Variants in KIF11 observed in about 807,000 individuals in gnomAD.
KIF11 encodes the protein kinesin family member 11, also known as kinesin-like protein KIF11.
A neutral mutation model predicts 121.0 loss-of-function variants in KIF11; 9 were observed. That is an observed-to-expected ratio of 0.07 (90% CI 0.04 to 0.13). KIF11 has a LOEUF of 0.13. Ranked by LOEUF, KIF11 falls within the 10% of genes least tolerant of loss-of-function variation. KIF11 has a pLI of 1.00. For missense variants in KIF11, 846 were observed against 1,217.5 expected (o/e 0.69, Z 4.54); for synonymous variants, 408 against 421.0 (o/e 0.97, Z 0.38).
chr10:92,629,029 G>A (rs1844706858), intron 11 of KIF11, 134 bp downstream of exon 11: 1 of 546,854 alleles, frequency 1.8e-6, no homozygotes, highest in Admixed American at 3.2e-5. Context: ...CACCCAGGCT[G>A]GAGTGCAATA....
chr10:92,608,667 G>A (rs1033754076), intron 4 of KIF11, among the ~76,000 whole-genome samples: 1 of 152,136 alleles, frequency 6.6e-6, no homozygotes, highest in Non-Finnish European at 1.5e-5. Flanking sequence ...TTGATCTCCT[G>A]ACCTTGTGAT....
intron 18 of KIF11, among the ~76,000 whole-genome samples, chr10:92,647,840 G>C (rs1460054038): frequency 3.3e-5 from 5 of 152,154 alleles, no homozygotes; most frequent in African/African-American, 1.2e-4. Context: ...CTGAAGGCCA[G>C]GTGTGGTGGC....
At chr10:92,637,158 A>T in intron 14 of KIF11, 26 bp from the exon 15 acceptor site, 9 of 1,540,086 alleles carry the variant, frequency 5.8e-6, no homozygotes, top group Non-Finnish European at 7.9e-6. Context: ...CTTTTTAAAG[A>T]CCTATTTGTT....
chr10:92,593,414 G>C lies in KIF11; in HGVS notation c.39G>C (p.Glu13Asp), dbSNP rs1844253914. 1.2e-6 allele frequency: 2 copies of C among 1,611,354 alleles called. No homozygotes were observed. Among genetic ancestry groups the C allele is most frequent in the African/African-American group, 2.7e-5 (2 of 74,920 alleles). The change falls in exon 1 of 22, where the codon GAG becomes GAC. Residue 13 changes from glutamate to aspartate, a missense_variant. Around this residue, in one of 5 missense-constraint regions of KIF11, gnomAD observed 140 missense variants for 193.5 expected, o/e 0.72. Transcript: ENST00000260731. ...CAAATTCGTCTGCGAAGAAGAAAGAGGAGAAGGGGAAGAACATCCAGGTGG... is the reference window on the plus strand; with the variant it reads ...CAAATTCGTCTGCGAAGAAGAAAGACGAGAAGGGGAAGAACATCCAGGTGG... ...SQPNSSAKKK[E>D]EKGKNIQVVV...
At chr10:92,620,558 C>T (rs1184425264) in intron 9 of KIF11, among the ~76,000 whole-genome samples, 1 of 152,180 alleles carries the variant, frequency 6.6e-6, no homozygotes, top group Admixed American at 6.5e-5. Context: ...CAGATTGGCT[C>T]ATCTTAGGCC....
At chr10:92,653,601 G>T (rs911445614) in intron 21 of KIF11, 64 bp from the exon 22 acceptor site, 8 of 1,438,266 alleles carry the variant, frequency 5.6e-6, no homozygotes, top group Non-Finnish European at 6.7e-6. Context: ...TGAAAATAGA[G>T]TGTAGTTAAT....
At chr10:92,643,770 C>T (rs757497346) in intron 17 of KIF11, among the ~76,000 whole-genome samples, 13 of 151,966 alleles carry the variant, frequency 8.6e-5, no homozygotes, top group Non-Finnish European at 1.8e-4. Context: ...ATTGGCCAGG[C>T]TAGTCTCAAA....
intron 6 of KIF11, among the ~76,000 whole-genome samples, chr10:92,612,819 C>T (rs571402836): frequency 2.0e-5 from 3 of 152,186 alleles, no homozygotes; most frequent in Non-Finnish European, 4.4e-5. Context: ...TAGAGAGCTT[C>T]TTATTGATGC....
Position 92,649,869 on chromosome 10 carries a change from A to G in KIF11, c.2805A>G (p.Pro935=), listed in dbSNP as rs774863991. Residue 935 remains proline (P), a synonymous_variant, in exon 20 of 22, where the codon CCA becomes CCG. Transcript: ENST00000260731. ...CACAGAGGAAAAGTTATTTATACCCATCAACACTGGTAAGAACTGAACCAC... is the reference window on the plus strand; with the variant it reads ...CACAGAGGAAAAGTTATTTATACCCGTCAACACTGGTAAGAACTGAACCAC... ...TTPQRKSYLY[P]STLVRTEPRE... is the part of the protein sequence containing the mutation. The G allele has an allele frequency of 9.9e-6, 16 of 1,612,644 alleles. No individual in the cohort carries two copies. In the Middle Eastern group the frequency reaches 4.9e-4, roughly 50 times the overall value.
At position 92,633,714 on chromosome 10, in the gene KIF11, T is replaced by C; in HGVS notation, c.1794T>C (p.Thr598=). 1.3e-6 allele frequency: 2 copies of C among 1,594,552 alleles called. No individual in the cohort carries two copies. The highest frequency in any genetic ancestry group is 1.1e-5 in the South Asian group (1 of 90,466). ...SLTSIPENVS[T]HVSQIFNMIL... is the part of the protein sequence containing the mutation. ...CATCTATTCCAGAAAATGTGTCTAC[T>C]CATGTTTCTCAGATTTTTAATATGA... is the stretch of plus-strand genomic sequence containing the variant. The change falls in exon 14 of 22, where the codon ACT becomes ACC. Residue 598 remains threonine (T), a synonymous_variant. Coordinates refer to ENST00000260731, the MANE Select transcript of KIF11 (RefSeq NM_004523.4).
intron 21 of KIF11, among the ~76,000 whole-genome samples, chr10:92,651,788 G>T (rs1439486986): frequency 6.6e-6 from 1 of 151,872 alleles, no homozygotes; most frequent in East Asian, 1.9e-4. Context: ...TAAGTAGGAG[G>T]ATTCCAATGA....
At chr10:92,638,503 G>C (rs955174774) in intron 16 of KIF11, among the ~76,000 whole-genome samples, 1 of 152,086 alleles carries the variant, frequency 6.6e-6, no homozygotes, top group Non-Finnish European at 1.5e-5. Flanking sequence ...TTCTAAGGCT[G>C]ATCCCCTTTT....
At chr10:92,630,438 T>A in intron 12 of KIF11, 74 bp downstream of exon 12, 1 of 812,238 alleles carries the variant, frequency 1.2e-6, no homozygotes, top group Non-Finnish European at 1.8e-6. Context: ...GCTTAAGCAT[T>A]AAATATTCTG....
intron 9 of KIF11, among the ~76,000 whole-genome samples, chr10:92,617,868 T>C (rs2135907752): frequency 6.6e-6 from 1 of 152,148 alleles, no homozygotes; most frequent in South Asian, 2.1e-4. Flanking sequence ...GTCTCCCGAG[T>C]AGCTGGGACT....
intron 8 of KIF11, among the ~76,000 whole-genome samples, chr10:92,614,021 T>TATACACACACAC (rs1284311727): frequency 4.1e-3 from 517 of 126,980 alleles, no homozygotes; most frequent in African/African-American, 5.7e-3. Context: ...AGTATGTGTA[T>TATACACACACAC]ACACACACAC....
At chr10:92,608,502 G>A (rs1455739991) in intron 4 of KIF11, among the ~76,000 whole-genome samples, 1 of 150,550 alleles carries the variant, frequency 6.6e-6, no homozygotes, top group Non-Finnish European at 1.5e-5. Flanking sequence ...ACAGTGGCTC[G>A]ATCTTGGCTC....
At position 92,653,955 on chromosome 10, in the gene KIF11, G is replaced by C. The variant is rs528294587; in HGVS notation, c.*159G>C. ...TCCCAGCACTTTGGGAGGCTGAGGC[G>C]GGTGGATTGCTTGAGCCCAGGAGTT... On this transcript the variant is annotated 3_prime_UTR_variant, in exon 22 of 22. Transcript: ENST00000260731. 1.9e-6 allele frequency: 1 copy of C among 517,194 alleles called. No individual in the cohort carries two copies. Among genetic ancestry groups the C allele is most frequent in the Non-Finnish European group, 3.3e-6 (1 of 305,226 alleles). 32.0% of individuals were successfully genotyped at this position (517,194 alleles called of 1,614,324 possible). A position where few individuals can be genotyped will look rare whatever the true frequency, so the allele number is the denominator to read the frequency against.
chr10:92,598,237 C>T (rs1432212398), intron 1 of KIF11, among the ~76,000 whole-genome samples: 1 of 152,200 alleles, frequency 6.6e-6, no homozygotes, highest in Non-Finnish European at 1.5e-5. Context: ...TTAGGTCTTA[C>T]ATACATTTTT....
chr10:92,650,368 G>T, intron 20 of KIF11, 33 bp from the exon 21 acceptor site: 1 of 1,256,494 alleles, frequency 8.0e-7, no homozygotes. Context: ...TTAAGCCCTT[G>T]GACTTAGTCA....
Sources: gnomAD v4.1 joint callset for allele counts (sites outside exome capture counted in the v4.1 genomes callset) on GRCh38, gnomAD v4.1.1 for gene constraint, gnomAD v4.1.1 regional missense constraint, MANE v1.5 for transcripts, NCBI Gene and HGNC (gene_info 2026-07-23, HGNC 2026-07-21) for gene names.